The following BCAS3 variants were observed in gnomAD, a reference collection of about 807,000 sequenced individuals.
BCAS3 encodes BCAS3 microtubule associated cell migration factor, also known as BCAS4/BCAS3 fusion.
In BCAS3, 53 loss-of-function variants were observed where a neutral mutation model predicts 116.1. That is an observed-to-expected ratio of 0.46 (90% CI 0.37 to 0.57). The LOEUF is 0.57. Among genes scored for constraint, BCAS3 ranks in the 20% least tolerant of loss-of-function variants. BCAS3 has a pLI of 0.00. For missense variants in BCAS3, 917 were observed against 1,165.4 expected, an observed-to-expected ratio of 0.79 and a Z score of 3.10; for synonymous variants, 391 against 408.2, an observed-to-expected ratio of 0.96 and a Z score of 0.51.
chr17:61,175,254 A>G (rs2079070153), intron 22 of BCAS3, among the ~76,000 whole-genome samples: 1 of 152,164 alleles, frequency 6.6e-6, no homozygotes, highest in Non-Finnish European at 1.5e-5. Context: ...AAAAAATATA[A>G]AGATTAGCTG....
intron 22 of BCAS3, among the ~76,000 whole-genome samples, chr17:61,238,409 G>A (rs1248098678): frequency 6.6e-6 from 1 of 151,986 alleles, no homozygotes; most frequent in Admixed American, 6.6e-5. Flanking sequence ...TTTTAGTAGA[G>A]ATGGGGTTTC....
At chr17:61,018,837 G>A (rs548071651) in intron 16 of BCAS3, among the ~76,000 whole-genome samples, 8 of 152,150 alleles carry the variant, frequency 5.3e-5, no homozygotes, top group Admixed American at 2.6e-4. Flanking sequence ...GACCTTGAAC[G>A]TACTTCATTA....
chr17:60,749,027 T>C lies in BCAS3; in HGVS notation c.403+1748T>C, dbSNP rs1177814175. On this transcript the variant is annotated intron_variant, in intron 6 of 23. Coordinates refer to ENST00000407086, the MANE Select transcript of BCAS3 (RefSeq NM_017679.5). ...TAACTGACTGTAAACAATCAAGAAC[T>C]CACTACCTTCGGAGCAGCCTTTTAG... 4 of 152,188 alleles carry C rather than the reference T, an allele frequency of 2.6e-5. No individual in the cohort carries two copies. The East Asian group carries it at 7.7e-4, about 29-fold the overall frequency. The allele number at this position is 152,188 out of a possible 1,614,324, so 9.4% of individuals were successfully genotyped here.
chr17:60,973,793 T>G (rs1319396037), intron 14 of BCAS3, among the ~76,000 whole-genome samples: 1 of 151,950 alleles, frequency 6.6e-6, no homozygotes, highest in East Asian at 1.9e-4. Flanking sequence ...GGTCTCACCA[T>G]GTTGGCCAGG....
chr17:60,703,027 C>A (rs1036739569), intron 4 of BCAS3, among the ~76,000 whole-genome samples: 1 of 151,876 alleles, frequency 6.6e-6, no homozygotes, highest in African/African-American at 2.4e-5. Context: ...GTAATCCCAG[C>A]ACTTTGGGAG....
chr17:60,715,294 C>A (rs746736760), intron 5 of BCAS3, among the ~76,000 whole-genome samples: 2 of 151,136 alleles, frequency 1.3e-5, no homozygotes, highest in Non-Finnish European at 2.9e-5. Flanking sequence ...CCACCACACT[C>A]GGCTAATTGT....
intron 19 of BCAS3, among the ~76,000 whole-genome samples, chr17:61,062,469 T>C (rs1418202928): frequency 2.0e-5 from 3 of 152,170 alleles, no homozygotes; most frequent in African/African-American, 7.2e-5. Flanking sequence ...TTTAAAATAG[T>C]GTGGACTTAC....
chr17:61,015,214 G>C (rs1378758834), intron 15 of BCAS3, among the ~76,000 whole-genome samples: 2 of 152,166 alleles, frequency 1.3e-5, no homozygotes, highest in Middle Eastern at 3.2e-3. Context: ...AGAAAGATTA[G>C]GAATTCAGCC....
chr17:61,358,277 G>A (rs2143417182), intron 22 of BCAS3, among the ~76,000 whole-genome samples: 1 of 152,042 alleles, frequency 6.6e-6, no homozygotes, highest in East Asian at 1.9e-4. Context: ...ATTTAACATT[G>A]TATCTTAAAG....
chr17:60,873,531 T>C (rs1233238332), intron 8 of BCAS3, among the ~76,000 whole-genome samples: 1 of 152,222 alleles, frequency 6.6e-6, no homozygotes, highest in Non-Finnish European at 1.5e-5. Context: ...GCTATTTATA[T>C]TAATATGCTG....
chr17:60,861,952 T>C (rs776615625), intron 7 of BCAS3, among the ~76,000 whole-genome samples: 1 of 152,182 alleles, frequency 6.6e-6, no homozygotes, highest in Non-Finnish European at 1.5e-5. Context: ...AAATTTTCCT[T>C]ATTTGTTAAT....
chr17:60,799,529 T>TTTTTTTTTTTG, intron 6 of BCAS3, among the ~76,000 whole-genome samples: 1 of 128,220 alleles, frequency 7.8e-6, no homozygotes, highest in African/African-American at 3.5e-5. Context: ...TGTTTGTTTT[T>TTTTTTTTTTTG]TTTTTTTTTT....
At chr17:61,218,265 A>G (rs1601967225) in intron 22 of BCAS3, among the ~76,000 whole-genome samples, 1 of 152,220 alleles carries the variant, frequency 6.6e-6, no homozygotes, top group East Asian at 1.9e-4. Flanking sequence ...GTAGCATCCA[A>G]AGGTTAGGTA....
intron 14 of BCAS3, among the ~76,000 whole-genome samples, chr17:60,970,166 A>G (rs1038317418): frequency 3.9e-5 from 6 of 152,198 alleles, no homozygotes; most frequent in Admixed American, 6.5e-5. Context: ...TGTAATACAT[A>G]TGACAACTAT....
chr17:60,831,768 A>C (rs1040511619), intron 7 of BCAS3, among the ~76,000 whole-genome samples: 16 of 151,672 alleles, frequency 1.1e-4, no homozygotes, highest in African/African-American at 3.6e-4. Context: ...CAAGCCCTCA[A>C]ATATGTGGTA....
intron 22 of BCAS3, among the ~76,000 whole-genome samples, chr17:61,179,180 A>T (rs1396148527): frequency 6.6e-6 from 1 of 152,092 alleles, no homozygotes; most frequent in Non-Finnish European, 1.5e-5. Context: ...ATTTTAATCA[A>T]ACTTGTTTTT....
At position 61,128,709 on chromosome 17, in the gene BCAS3, C is replaced by T. The variant is rs1028777261; in HGVS notation, c.2425+44145C>T. On this transcript the variant is annotated intron_variant, in intron 22 of 23. Transcript: ENST00000407086. This position sits in a 1 kb window ranked among gnomAD's most constrained non-coding sequence, Gnocchi z 4.1. ...ATCTGGAAACCAGCATATTGGCAGT[C>T]GTCTCACAACATGATTTTGCATTTA... The T allele has an allele frequency of 9.5e-6, 6 of 628,852 alleles. No individual in the cohort carries two copies. The highest frequency in any genetic ancestry group is 1.4e-4 in the East Asian group (1 of 7,170). The allele number at this position is 628,852 out of a possible 1,614,324, so 39.0% of individuals were successfully genotyped here.
At chr17:60,846,517 G>A (rs562433396) in intron 7 of BCAS3, among the ~76,000 whole-genome samples, 1 of 152,224 alleles carries the variant, frequency 6.6e-6, no homozygotes, top group South Asian at 2.1e-4. Context: ...TCTATCAGTT[G>A]TTGAGAGAAG....
Position 61,370,866 on chromosome 17 carries a change from C to G in BCAS3, c.2593+2372C>G, listed in dbSNP as rs186046889. Reference sequence around the variant, plus strand: ...CACCCGTGCCCAGGTCAGCCTACTGCCCGGAGGTAGTTGGGGAAATACAGT... The same window carrying G: ...CACCCGTGCCCAGGTCAGCCTACTGGCCGGAGGTAGTTGGGGAAATACAGT... On this transcript the variant is annotated intron_variant, in intron 23 of 23. Transcript: ENST00000407086. Among the ~76,000 whole-genome samples, 627 of 152,342 alleles carry G rather than the reference C, an allele frequency of 4.1e-3. 4 individuals are homozygous for G. Among genetic ancestry groups the G allele is most frequent in the African/African-American group, 0.015 (604 of 41,578 alleles).
Sources: allele counts gnomAD v4.1 joint callset (sites outside exome capture counted in the v4.1 genomes callset), GRCh38; gene constraint gnomAD v4.1.1; non-coding constraint Gnocchi (gnomAD v3.1); transcripts MANE v1.5; gene names NCBI Gene and HGNC (gene_info 2026-07-23, HGNC 2026-07-21).